UMODL1: variants seen among roughly 807,000 people sequenced by gnomAD.
The protein encoded by UMODL1 is uromodulin like 1, also known as uromodulin-like 1.
In UMODL1, 128 loss-of-function variants were observed where a neutral mutation model predicts 136.3. That is an observed-to-expected ratio of 0.94 (90% confidence interval 0.81 to 1.09). UMODL1 has a LOEUF of 1.09. Among genes scored for constraint, UMODL1 ranks in the 50% least tolerant of loss-of-function variants. The pLI, the probability that UMODL1 is intolerant of heterozygous loss-of-function variation, is 0.00. For missense variants in UMODL1, 1,766 were observed against 1,725.6 expected, an observed-to-expected ratio of 1.02 and a Z score of -0.41; for synonymous variants, 721 against 720.0, an observed-to-expected ratio of 1.00 and a Z score of -0.02.
At chr21:42,086,424 C>A in intron 4 of UMODL1, 2 of 429,020 alleles carry the variant, frequency 4.7e-6, no homozygotes, top group South Asian at 1.7e-5. Flanking sequence ...TCAGATGGTG[C>A]ACACCTCATG....
chr21:42,109,715 C>CG lies in UMODL1; in HGVS notation c.1657+16_1657+17insG, dbSNP rs1183151556. The CG allele has an allele frequency of 6.3e-7, 1 of 1,598,264 alleles. No homozygotes were observed. Among genetic ancestry groups the CG allele is most frequent in the African/African-American group, 1.3e-5 (1 of 74,884 alleles). Reference sequence around the variant, plus strand: ...GCCTGTGAGGGTACGTGTCGACCCCCCTGCCGACTCTGGGAAGACCCCCTG... The same window carrying CG: ...GCCTGTGAGGGTACGTGTCGACCCCCGCTGCCGACTCTGGGAAGACCCCCTG... On this transcript the variant is annotated intron_variant, in intron 10 of 22. Transcript: ENST00000408910.
intron 2 of UMODL1, among the ~76,000 whole-genome samples, chr21:42,081,024 G>A (rs1439655122): frequency 1.3e-5 from 2 of 152,294 alleles, no homozygotes; most frequent in South Asian, 2.1e-4. Context: ...TGGATTATGC[G>A]CTGAGGATGA....
chr21:42,111,790 C>T, intron 12 of UMODL1, 80 bp downstream of exon 12: 1 of 1,391,520 alleles, frequency 7.2e-7, no homozygotes, highest in Non-Finnish European at 9.6e-7. Context: ...AAAGCTCCTG[C>T]AGCCGTGGAG....
At chr21:42,140,824 C>T (rs1255040803) in intron 22 of UMODL1, among the ~76,000 whole-genome samples, 1 of 152,138 alleles carries the variant, frequency 6.6e-6, no homozygotes, top group Non-Finnish European at 1.5e-5. Context: ...GGGCAGGGAA[C>T]AACAGCGAAG....
Position 42,123,692 on chromosome 21 carries a change from A to G in UMODL1, c.3147+542A>G, listed in dbSNP as rs1229200613. Reference sequence around the variant, plus strand: ...TGTGCGTGTGGGTGTGCATGCATGTATGAATGTGTGAGTGTGTGAATGTGA... The same window carrying G: ...TGTGCGTGTGGGTGTGCATGCATGTGTGAATGTGTGAGTGTGTGAATGTGA... On this transcript the variant is annotated intron_variant, in intron 17 of 22. Transcript: ENST00000408910. The surrounding 1 kb of genome is among the most constrained non-coding windows in gnomAD (Gnocchi z 4.4). 6.6e-6 allele frequency among the ~76,000 whole-genome samples: 1 copy of G among 151,692 alleles called. No homozygotes were observed. The highest frequency in any genetic ancestry group is 2.4e-5 in the African/African-American group (1 of 41,256).
intron 1 of UMODL1, among the ~76,000 whole-genome samples, chr21:42,074,747 T>G (rs1218878663): frequency 6.6e-6 from 1 of 152,050 alleles, no homozygotes; most frequent in Non-Finnish European, 1.5e-5. Context: ...TTTTTTGAGA[T>G]GGAGTCTCGC....
chr21:42,125,571 A>G (rs2067041146), intron 17 of UMODL1, among the ~76,000 whole-genome samples: 1 of 152,166 alleles, frequency 6.6e-6, no homozygotes. Context: ...ACTGCCCAGA[A>G]TTAGTTTTCT....
intron 2 of UMODL1, among the ~76,000 whole-genome samples, chr21:42,079,976 G>T (rs1453862547): frequency 2.0e-5 from 3 of 152,238 alleles, no homozygotes; most frequent in Non-Finnish European, 4.4e-5. Context: ...CCGGGGCCTG[G>T]TGAAGGGCAC....
At chr21:42,077,394 T>C (rs965983823) in intron 2 of UMODL1, among the ~76,000 whole-genome samples, 1 of 152,134 alleles carries the variant, frequency 6.6e-6, no homozygotes, top group African/African-American at 2.4e-5. Context: ...AAAAATTCTC[T>C]CAGCCCCGAA....
At chr21:42,080,240 G>A (rs978139887) in intron 2 of UMODL1, among the ~76,000 whole-genome samples, 2 of 152,234 alleles carry the variant, frequency 1.3e-5, no homozygotes, top group African/African-American at 4.8e-5. Context: ...GTGACCTGTT[G>A]AGCACCGTGA....
At chr21:42,137,292 G>A (rs2067216969) in intron 21 of UMODL1, 147 bp from the exon 22 acceptor site, 2 of 1,000,078 alleles carry the variant, frequency 2.0e-6, no homozygotes, top group Non-Finnish European at 3.0e-6. Context: ...CCTCAGCTTT[G>A]GTAACCCACA....
chr21:42,131,317 G>A (rs892673386), intron 21 of UMODL1, among the ~76,000 whole-genome samples: 1 of 151,938 alleles, frequency 6.6e-6, no homozygotes, highest in African/African-American at 2.4e-5. Flanking sequence ...CAGGGTGTGA[G>A]CCAGAATCTG....
At chr21:42,089,353 A>G (rs146191267) in intron 5 of UMODL1, among the ~76,000 whole-genome samples, 1 of 152,134 alleles carries the variant, frequency 6.6e-6, no homozygotes, top group African/African-American at 2.4e-5. Flanking sequence ...CTCCCTTCAG[A>G]TCCGCACATG....
At chr21:42,129,657 C>T in intron 20 of UMODL1, 56 bp from the exon 21 acceptor site, 2 of 1,469,346 alleles carry the variant, frequency 1.4e-6, no homozygotes, top group South Asian at 2.6e-5. Flanking sequence ...TAGCTCCTTT[C>T]TCATAAATGT....
At chr21:42,108,917 C>G (rs555849210) in intron 9 of UMODL1, among the ~76,000 whole-genome samples, 2 of 130,912 alleles carry the variant, frequency 1.5e-5, no homozygotes, top group East Asian at 2.4e-4. Context: ...GACCCCCACC[C>G]CCCCCACGAG....
At chr21:42,139,945 T>C (rs9975464) in intron 22 of UMODL1, among the ~76,000 whole-genome samples, 28,024 of 152,036 alleles carry the variant, frequency 0.18, 2,649 homozygotes, top group South Asian at 0.31. Flanking sequence ...GGCGTTTTCT[T>C]TGAAGTTGCC....
chr21:42,066,073 T>C (rs921463069), intron 1 of UMODL1, among the ~76,000 whole-genome samples: 1 of 152,214 alleles, frequency 6.6e-6, no homozygotes, highest in South Asian at 2.1e-4. Flanking sequence ...ATCAATAGGC[T>C]CCAAAGCTTA....
intron 8 of UMODL1, chr21:42,102,927 C>G (rs1030338385): frequency 2.0e-5 from 3 of 153,084 alleles, no homozygotes; most frequent in African/African-American, 7.2e-5. Flanking sequence ...TGCCGGTTCC[C>G]CTTCCTGCAC....
At position 42,085,857 on chromosome 21, in the gene UMODL1, C is replaced by T. The variant is rs2066420827; in HGVS notation, c.603+445C>T. Among the ~76,000 whole-genome samples, 1 of 152,178 alleles carries T rather than the reference C, an allele frequency of 6.6e-6. No homozygotes were observed. The highest frequency in any genetic ancestry group is 6.5e-5 in the Admixed American group (1 of 15,284). ...GGAACCGTAGCCCAGGGCTGGAGAG[C>T]ACCCTGGGGTCTGATGGTTAGCAGC... On this transcript the variant is annotated intron_variant, in intron 4 of 22. Transcript: ENST00000408910. The surrounding 1 kb of genome is among the most constrained non-coding windows in gnomAD (Gnocchi z 4.5).
Sources: gnomAD v4.1 joint callset for allele counts (sites outside exome capture counted in the v4.1 genomes callset) on GRCh38, gnomAD v4.1.1 for gene constraint, Gnocchi (gnomAD v3.1) non-coding constraint, MANE v1.5 for transcripts, NCBI Gene and HGNC (gene_info 2026-07-23, HGNC 2026-07-21) for gene names.